The following TAF4B variants were observed in gnomAD, a reference collection of about 807,000 sequenced individuals.
The protein encoded by TAF4B is transcription initiation factor TFIID subunit 4B.
In TAF4B, 38 loss-of-function variants were observed where a neutral mutation model predicts 86.4. The observed-to-expected ratio is 0.44, with a 90% CI of 0.34 to 0.58. The LOEUF is 0.58. Among genes scored for constraint, TAF4B ranks in the 20% least tolerant of loss-of-function variants. The probability of loss-of-function intolerance (pLI) is 0.02; values close to 1 mark genes in which losing one functional copy is unlikely to be tolerated. For missense variants in TAF4B, 988 were observed against 1,027.6 expected (o/e 0.96, Z 0.53); for synonymous variants, 388 against 391.2 (o/e 0.99, Z 0.10).
At chr18:26,248,000 T>TG (rs2055951969) in intron 1 of TAF4B, among the ~76,000 whole-genome samples, 1 of 126,730 alleles carries the variant, frequency 7.9e-6, no homozygotes, top group Non-Finnish European at 1.6e-5. Flanking sequence ...TCAAACCTAC[T>TG]GAGTGACTGG....
intron 5 of TAF4B, among the ~76,000 whole-genome samples, chr18:26,278,511 T>G (rs141036686): frequency 4.6e-5 from 7 of 152,202 alleles, no homozygotes; most frequent in African/African-American, 1.7e-4. Context: ...TTTCACTTTG[T>G]TACCCAAGCT....
chr18:26,368,508 G>A (rs1472868583), intron 14 of TAF4B, among the ~76,000 whole-genome samples: 2 of 152,180 alleles, frequency 1.3e-5, no homozygotes, highest in Non-Finnish European at 2.9e-5. Context: ...GGCACAGATA[G>A]CAGTCCCTCT....
rs952534994 is a variant in TAF4B, at chr18:26,253,741, C to T, written c.344-11429C>T. Reference sequence around the variant, plus strand: ...AGATCCTCTTTTGATTCAATATCTTCATTTCTTAAAGGCCTATTCAGGTTG... The same window carrying T: ...AGATCCTCTTTTGATTCAATATCTTTATTTCTTAAAGGCCTATTCAGGTTG... On this transcript the variant is annotated intron_variant, in intron 1 of 14. Coordinates refer to ENST00000269142, the MANE Select transcript of TAF4B (RefSeq NM_005640.3). 4.6e-5 allele frequency among the ~76,000 whole-genome samples: 7 copies of T among 152,140 alleles called. No individual in the cohort carries two copies. In the East Asian group the frequency reaches 1.3e-3, roughly 29 times the overall value.
At chr18:26,251,610 T>G (rs1045259644) in intron 1 of TAF4B, among the ~76,000 whole-genome samples, 1 of 152,212 alleles carries the variant, frequency 6.6e-6, no homozygotes, top group African/African-American at 2.4e-5. Context: ...ACCTAATATA[T>G]GATTACATTC....
Position 26,300,785 on chromosome 18 carries a change from C to CT in TAF4B, c.1832+7262dup, listed in dbSNP as rs556275776. On this transcript the variant is annotated intron_variant, in intron 9 of 14. Transcript: ENST00000269142. The stretch of plus-strand genomic sequence containing the variant: ...GTGTTCACATCTTCTATACCCTGGG[C>CT]TTTTTTTTGGTTTTATTTTTCAGAC... 4.4e-3 allele frequency among the ~76,000 whole-genome samples: 665 copies of CT among 151,316 alleles called. 3 individuals are homozygous for CT. The highest frequency in any genetic ancestry group is 0.015 in the African/African-American group (630 of 41,266).
chr18:26,327,183 G>A lies in TAF4B; in HGVS notation c.2259+43G>A, dbSNP rs754836765. The A allele has an allele frequency of 5.7e-6, 9 of 1,583,308 alleles. No homozygotes were observed. In the Admixed American group the frequency reaches 6.8e-5, roughly 12 times the overall value. ...TTATGAGTGAATGTGGCCTGGCAGT[G>A]TGGTCAGAGGTGGCTTTATCGTTGG... On this transcript the variant is annotated intron_variant, in intron 12 of 14. Coordinates refer to ENST00000269142, the MANE Select transcript of TAF4B (RefSeq NM_005640.3).
chr18:26,244,783 A>G (rs1050140398), intron 1 of TAF4B, among the ~76,000 whole-genome samples: 1 of 152,158 alleles, frequency 6.6e-6, no homozygotes, highest in African/African-American at 2.4e-5. Flanking sequence ...GGTTTTTAGG[A>G]GTGGGAGTAG....
intron 7 of TAF4B, among the ~76,000 whole-genome samples, chr18:26,290,778 C>T (rs1015439764): frequency 9.2e-5 from 14 of 152,142 alleles, no homozygotes; most frequent in African/African-American, 3.4e-4. Flanking sequence ...AATTAAAATA[C>T]TGACAGGAAT....
At chr18:26,329,535 G>C (rs951832528) in intron 12 of TAF4B, among the ~76,000 whole-genome samples, 2 of 152,116 alleles carry the variant, frequency 1.3e-5, no homozygotes, top group African/African-American at 4.8e-5. Flanking sequence ...TGTATTTCAT[G>C]TAGTTGTCAT....
At chr18:26,289,742 A>G (rs2056569685) in intron 7 of TAF4B, among the ~76,000 whole-genome samples, 1 of 152,096 alleles carries the variant, frequency 6.6e-6, no homozygotes, top group Admixed American at 6.6e-5. Context: ...GCTTAGTACT[A>G]TGGTTTTATT....
intron 13 of TAF4B, among the ~76,000 whole-genome samples, chr18:26,338,495 G>GTTT (rs1568160847): frequency 1.1e-3 from 138 of 124,914 alleles, no homozygotes; most frequent in South Asian, 2.8e-3. Context: ...TTTTTTTTTG[G>GTTT]GAGACGGAAT....
At chr18:26,242,564 G>C (rs2055856619) in intron 1 of TAF4B, among the ~76,000 whole-genome samples, 1 of 152,102 alleles carries the variant, frequency 6.6e-6, no homozygotes, top group Non-Finnish European at 1.5e-5. Context: ...TCTTTTAATT[G>C]GAACATTTAG....
chr18:26,259,617 C>T (rs191061003), intron 1 of TAF4B, among the ~76,000 whole-genome samples: 1 of 152,294 alleles, frequency 6.6e-6, no homozygotes, highest in Non-Finnish European at 1.5e-5. Flanking sequence ...ATGAGCTCAT[C>T]CTTTTTTATG....
intron 13 of TAF4B, chr18:26,349,012 A>G (rs1272185123): frequency 6.6e-6 from 1 of 152,184 alleles, no homozygotes; most frequent in Non-Finnish European, 1.5e-5. Flanking sequence ...ACCTATATAT[A>G]TGTCTTTGAA....
rs190244459 is a variant in TAF4B at position 26,243,046 on chromosome 18, C to A, written c.343+15770C>A. ...TTCCTTCATTTCAACTTTGGTGAAT[C>A]TGACAATTATGTGTCTTGCAGTTGC... On this transcript the variant is annotated intron_variant, in intron 1 of 14. Coordinates refer to ENST00000269142, the MANE Select transcript of TAF4B (RefSeq NM_005640.3). Among the ~76,000 whole-genome samples the A allele has an allele frequency of 8.1e-3, 1,236 of 152,268 alleles. 19 individuals carry two copies. The highest frequency in any genetic ancestry group is 0.029 in the African/African-American group (1,185 of 41,540).
At position 26,286,105 on chromosome 18, in the gene TAF4B, T is replaced by C. The variant is rs770750791; in HGVS notation, c.1196T>C (p.Leu399Pro). The C allele has an allele frequency of 6.2e-7, 1 of 1,614,236 alleles. No homozygotes were observed. The highest frequency in any genetic ancestry group is 1.7e-5 in the Admixed American group (1 of 60,030). Residue 399 changes from leucine to proline, a missense_variant, in exon 7 of 15, where the codon CTT becomes CCT. Leu to Pro is a moderately conservative substitution (Grantham distance 98). Around this residue, in one of 3 missense-constraint regions of TAF4B, gnomAD observed 747 missense variants for 737.9 expected, o/e 1.01. Transcript: ENST00000269142. ...RTVSVQTLNP[L>P]AGPVGAKAGV... ...GTGTCAGTGCAAACTTTGAACCCAC[T>C]TGCTGGTCCAGTGGGAGCAAAAGCT...
intron 1 of TAF4B, chr18:26,256,171 A>G (rs2056081398): frequency 1.2e-6 from 2 of 1,610,682 alleles, no homozygotes; most frequent in Non-Finnish European, 1.7e-6. Context: ...AACTTCTTCC[A>G]TCTTTTCACA....
At chr18:26,245,776 G>A (rs998814998) in intron 1 of TAF4B, among the ~76,000 whole-genome samples, 4 of 152,182 alleles carry the variant, frequency 2.6e-5, no homozygotes, top group African/African-American at 4.8e-5. Context: ...CTCGACCCAG[G>A]AAGTCCAGCT....
In TAF4B at chr18:26,301,056, C is replaced by T. The variant is rs148469498; in HGVS notation, c.1832+7525C>T. ...TTCCCATCATCCAACGGTTGACTTA[C>T]CTCTGTTTTCTGCCTGCCTTTATTA... On this transcript the variant is annotated intron_variant, in intron 9 of 14. Transcript: ENST00000269142. 2.2e-3 allele frequency among the ~76,000 whole-genome samples: 330 copies of T among 152,266 alleles called. 3 individuals are homozygous for T. Among genetic ancestry groups the T allele is most frequent in the African/African-American group, 7.7e-3 (321 of 41,554 alleles).
Sources: allele counts gnomAD v4.1 joint callset (sites outside exome capture counted in the v4.1 genomes callset), GRCh38; gene constraint gnomAD v4.1.1; regional missense constraint gnomAD v4.1.1; transcripts MANE v1.5; gene names NCBI Gene and HGNC (gene_info 2026-07-23, HGNC 2026-07-21).